Variants in SYNE1 observed in about 807,000 individuals in gnomAD.
SYNE1 encodes spectrin repeat containing nuclear envelope protein 1.
Under a neutral mutation model 1,111.0 loss-of-function variants are expected in SYNE1, and 616 were observed. The ratio of observed to expected loss-of-function variants is 0.55; its 90% CI spans 0.52 to 0.59. SYNE1 has a LOEUF of 0.59. Ranked by LOEUF, SYNE1 falls within the 20% of genes least tolerant of loss-of-function variation. The pLI is 0.00. For missense variants in SYNE1, 10,006 were observed against 10,417.0 expected (o/e 0.96, Z 1.72); for synonymous variants, 3,855 against 3,825.8 (o/e 1.01, Z -0.28).
intron 130 of SYNE1, among the ~76,000 whole-genome samples, chr6:152,172,530 C>G (rs1429627001): frequency 6.6e-6 from 1 of 152,138 alleles, no homozygotes; most frequent in Non-Finnish European, 1.5e-5. Context: ...TTGAATTTGA[C>G]CTTCCTAGAT....
chr6:152,458,170 T>C (rs2098708650), intron 22 of SYNE1, among the ~76,000 whole-genome samples: 1 of 152,174 alleles, frequency 6.6e-6, no homozygotes, highest in Admixed American at 6.5e-5. Flanking sequence ...GGTCTATTGC[T>C]AGTAGGCAGG....
chr6:152,493,115 C>A (rs372346354), intron 11 of SYNE1, among the ~76,000 whole-genome samples: 1 of 152,056 alleles, frequency 6.6e-6, no homozygotes, highest in African/African-American at 2.4e-5. Flanking sequence ...TATGAGACAA[C>A]TCTACTCCCT....
intron 87 of SYNE1, among the ~76,000 whole-genome samples, chr6:152,313,970 C>A (rs1207593949): frequency 2.1e-4 from 32 of 152,104 alleles, no homozygotes; most frequent in Non-Finnish European, 1.5e-5. Context: ...TGTCTTTCAT[C>A]GTTGACTCCT....
chr6:152,234,919 A>C, intron 110 of SYNE1, 119 bp from the exon 111 acceptor site: 1 of 1,190,918 alleles, frequency 8.4e-7, no homozygotes. Flanking sequence ...TAGAAGAAAA[A>C]TGCATGAGGT....
chr6:152,472,538 A>G, intron 14 of SYNE1, 125 bp from the exon 15 acceptor site: 1 of 884,536 alleles, frequency 1.1e-6, no homozygotes. Flanking sequence ...TGCCACATTC[A>G]GAGGCAGCTT....
chr6:152,333,335 C>T (rs745861026), intron 77 of SYNE1, among the ~76,000 whole-genome samples: 60 of 152,160 alleles, frequency 3.9e-4, no homozygotes, highest in Non-Finnish European at 8.2e-4. Flanking sequence ...GCATTCATTA[C>T]CTTATAGACT....
intron 107 of SYNE1, among the ~76,000 whole-genome samples, chr6:152,241,527 T>TGTGAGTGTGTGTGTGTGTGA (rs1554263255): frequency 6.9e-6 from 1 of 145,032 alleles, no homozygotes; most frequent in Non-Finnish European, 1.5e-5. Context: ...TGTGTGTGTG[T>TGTGAGTGTGTGTGTGTGTGA]GTGAAATACG....
intron 3 of SYNE1, among the ~76,000 whole-genome samples, chr6:152,625,580 G>A (rs1470882040): frequency 6.6e-6 from 1 of 152,116 alleles, no homozygotes; most frequent in Non-Finnish European, 1.5e-5. Flanking sequence ...TTTGTCTTCT[G>A]AATTTTCAGG....
intron 3 of SYNE1, among the ~76,000 whole-genome samples, chr6:152,552,166 G>A (rs781401253): frequency 1.6e-4 from 25 of 152,232 alleles, no homozygotes; most frequent in Admixed American, 5.9e-4. Context: ...CACAGTGTTC[G>A]TATATTTTAT....
Position 152,310,888 on chromosome 6 carries a change from C to T in SYNE1, c.16711-15G>A. 1.9e-6 allele frequency: 3 copies of T among 1,612,468 alleles called. No individual in the cohort carries two copies. The highest frequency in any genetic ancestry group is 2.7e-5 in the African/African-American group (2 of 74,992). ...TCTAGCAGGGTCTAGAGTGAATTGT[C>T]AATATTCATGACATTGACGGGCAGG... On this transcript the variant is annotated splice_polypyrimidine_tract_variant and intron_variant, in intron 87 of 145. Transcript: ENST00000367255.
At position 152,502,856 on chromosome 6, in the gene SYNE1, G is replaced by A. The variant is rs555990645; in HGVS notation, c.779-114C>T. 4.1e-5 allele frequency: 34 copies of A among 819,392 alleles called. No homozygotes were observed. In the East Asian group the frequency reaches 8.8e-4, roughly 21 times the overall value. 50.8% of individuals were successfully genotyped at this position (819,392 alleles called of 1,614,324 possible). On this transcript the variant is annotated intron_variant, in intron 9 of 145. Transcript: ENST00000367255. ...AAACGCTAAACGCAGAAGGAAAACA[G>A]AAGTACTATTTAGAATTTTGGACGG...
At chr6:152,272,431 G>A (rs1331895041) in intron 98 of SYNE1, among the ~76,000 whole-genome samples, 1 of 152,168 alleles carries the variant, frequency 6.6e-6, no homozygotes, top group Non-Finnish European at 1.5e-5. Flanking sequence ...AACATTCCTT[G>A]GAAGATGAAT....
intron 24 of SYNE1, among the ~76,000 whole-genome samples, chr6:152,454,673 A>G (rs999495021): frequency 2.6e-5 from 4 of 152,216 alleles, no homozygotes; most frequent in Non-Finnish European, 5.9e-5. Context: ...TTATTTTGTA[A>G]AAACGGTGAT....
rs201508577 is a variant in SYNE1, at chr6:152,458,911, G to C, written c.2414C>G (p.Pro805Arg). 1 of 1,613,936 alleles carries C rather than the reference G, an allele frequency of 6.2e-7. No homozygotes were observed. The highest frequency in any genetic ancestry group is 1.1e-5 in the South Asian group (1 of 91,060). ...CAGCTGCTGAGACTCATAAAGGAGT[G>C]GGGAGTAACATTCTTTGACCTTTAA... ...QLTKVKECYS[P>R]LLYESQQLLI... The change falls in exon 22 of 146, where the codon CCA (proline) becomes CGA (arginine). Residue 805 changes from proline to arginine, a missense_variant. Around this residue, in one of 7 missense-constraint regions of SYNE1, gnomAD observed 1,971 missense variants for 2,084.1 expected, o/e 0.95. Coordinates refer to ENST00000367255, the MANE Select transcript of SYNE1 (RefSeq NM_182961.4).
intron 89 of SYNE1, 74 bp from the exon 90 acceptor site, chr6:152,310,091 A>C: frequency 6.7e-7 from 1 of 1,493,890 alleles, no homozygotes; most frequent in Non-Finnish European, 9.0e-7. Flanking sequence ...GCACTAAATT[A>C]TAGTTACGTT....
chr6:152,374,892 G>A (rs1457145752), intron 58 of SYNE1, among the ~76,000 whole-genome samples: 1 of 151,800 alleles, frequency 6.6e-6, no homozygotes, highest in African/African-American at 2.4e-5. Flanking sequence ...GAAGCAAAAC[G>A]GGAAGAATTT....
At position 152,244,827 on chromosome 6, in the gene SYNE1, T is replaced by C. The variant is rs548202873; in HGVS notation, c.19573-171A>G. On this transcript the variant is annotated intron_variant, in intron 105 of 145. Transcript: ENST00000367255. ...TCGAAAGCCATGTTCAGAGGGTATA[T>C]AGAAAACAGAAGAAGTCCCCTCATT... Among the ~76,000 whole-genome samples, 6 of 152,244 alleles carry C rather than the reference T, an allele frequency of 3.9e-5. No homozygotes were observed. In the East Asian group the frequency reaches 7.7e-4, roughly 20 times the overall value.
intron 45 of SYNE1, among the ~76,000 whole-genome samples, chr6:152,404,574 G>GA (rs1341382263): frequency 1.3e-5 from 2 of 151,776 alleles, no homozygotes; most frequent in Non-Finnish European, 2.9e-5. Context: ...AAACCTCCTG[G>GA]AAAAAAATTA....
At chr6:152,594,559 A>T (rs1431103193) in intron 3 of SYNE1, among the ~76,000 whole-genome samples, 2 of 152,218 alleles carry the variant, frequency 1.3e-5, no homozygotes, top group African/African-American at 4.8e-5. Context: ...TTGATGCTAC[A>T]CAAGACCCAG....
Sources: allele counts gnomAD v4.1 joint callset (sites outside exome capture counted in the v4.1 genomes callset), GRCh38; gene constraint gnomAD v4.1.1; regional missense constraint gnomAD v4.1.1; transcripts MANE v1.5; gene names NCBI Gene and HGNC (gene_info 2026-07-23, HGNC 2026-07-21).